Variants in PDE11A observed in about 807,000 individuals in gnomAD.
The protein encoded by PDE11A is dual 3',5'-cyclic-AMP and -GMP phosphodiesterase 11A.
Under a neutral mutation model 100.5 loss-of-function variants are expected in PDE11A, and 100 were observed. The observed-to-expected ratio is 1.00, with a 90% CI of 0.85 to 1.18. The LOEUF is 1.18. Among genes scored for constraint, PDE11A ranks in the 50% most tolerant of loss-of-function variants. The pLI is 0.00. For missense variants in PDE11A, 1,141 were observed against 1,152.6 expected (o/e 0.99, Z 0.15); for synonymous variants, 381 against 420.8 (o/e 0.91, Z 1.16).
intron 10 of PDE11A, among the ~76,000 whole-genome samples, chr2:177,730,270 C>T (rs909934562): frequency 2.0e-5 from 3 of 152,084 alleles, no homozygotes; most frequent in African/African-American, 7.2e-5. Flanking sequence ...TGTTCCCCGC[C>T]CTGTGTTCAA....
intron 2 of PDE11A, among the ~76,000 whole-genome samples, chr2:177,986,006 A>C (rs1233283590): frequency 1.3e-5 from 2 of 152,176 alleles, no homozygotes; most frequent in East Asian, 3.9e-4. Flanking sequence ...GAAACAAGGC[A>C]AAAAGGATCC....
chr2:177,655,789 G>A (rs1156807239), intron 19 of PDE11A, among the ~76,000 whole-genome samples: 1 of 152,138 alleles, frequency 6.6e-6, no homozygotes, highest in Non-Finnish European at 1.5e-5. Flanking sequence ...GTCAAAGAAA[G>A]ATTAAATTTT....
intron 12 of PDE11A, among the ~76,000 whole-genome samples, chr2:177,714,159 A>C (rs1461918293): frequency 6.6e-6 from 1 of 151,554 alleles, no homozygotes; most frequent in East Asian, 1.9e-4. Context: ...ACGCCCAGCT[A>C]ATTTTTTGTA....
intron 19 of PDE11A, among the ~76,000 whole-genome samples, chr2:177,636,342 G>A (rs925888125): frequency 3.3e-5 from 5 of 152,096 alleles, no homozygotes; most frequent in African/African-American, 9.7e-5. Flanking sequence ...TGTCCAGAAG[G>A]TTTTGATTTT....
chr2:177,969,664 A>G (rs2085744982), intron 2 of PDE11A, among the ~76,000 whole-genome samples: 2 of 152,184 alleles, frequency 1.3e-5, no homozygotes, highest in Admixed American at 6.5e-5. Flanking sequence ...ATTCATTATT[A>G]TCAACAATCA....
rs1315965965 is a variant in PDE11A, at chr2:177,864,847, T to C, written c.1367+11012A>G. On this transcript the variant is annotated intron_variant, in intron 5 of 19. Transcript: ENST00000286063. ...CGAGGGATGCCATAAACAAAATGAGTTCCCTTTTGCATTACTACTTAAAAG... is the reference window on the plus strand; with the variant it reads ...CGAGGGATGCCATAAACAAAATGAGCTCCCTTTTGCATTACTACTTAAAAG... 5.3e-5 allele frequency among the ~76,000 whole-genome samples: 8 copies of C among 152,300 alleles called. 1 individual carries two copies. The East Asian group carries it at 5.8e-4, about 11-fold the overall frequency.
At chr2:178,015,678 A>G (rs1468747258) in intron 1 of PDE11A, among the ~76,000 whole-genome samples, 1 of 152,152 alleles carries the variant, frequency 6.6e-6, no homozygotes, top group Non-Finnish European at 1.5e-5. Flanking sequence ...TAGGATATAC[A>G]TGCTAGGGTA....
At chr2:177,792,438 TG>T (rs2082646166) in intron 9 of PDE11A, among the ~76,000 whole-genome samples, 1 of 152,230 alleles carries the variant, frequency 6.6e-6, no homozygotes, top group Non-Finnish European at 1.5e-5. Flanking sequence ...TTATATATAC[TG>T]ATTTTCCATT....
chr2:177,780,378 T>C (rs2082437366), intron 9 of PDE11A, among the ~76,000 whole-genome samples: 2 of 152,084 alleles, frequency 1.3e-5, no homozygotes, highest in African/African-American at 2.4e-5. Flanking sequence ...ACACCACCAC[T>C]TCTGGCTTGA....
chr2:177,906,119 A>T (rs190452932), intron 2 of PDE11A, among the ~76,000 whole-genome samples: 1 of 152,326 alleles, frequency 6.6e-6, no homozygotes, highest in East Asian at 1.9e-4. Context: ...GCAAGAGGGA[A>T]AAAAGCATGT....
Position 177,972,912 on chromosome 2 carries a change from T to C in PDE11A, c.1071+41390A>G, listed in dbSNP as rs1349482322. ...ATCTGCTAAACTGAGAGAAGGGAAG[T>C]TGTGCCTATGATAACAGCTCTGATG... On this transcript the variant is annotated intron_variant, in intron 2 of 19. Coordinates refer to ENST00000286063, the MANE Select transcript of PDE11A (RefSeq NM_016953.4). 2.0e-5 allele frequency among the ~76,000 whole-genome samples: 3 copies of C among 152,192 alleles called. No homozygotes were observed. In the East Asian group the frequency reaches 5.8e-4, roughly 29 times the overall value.
In PDE11A at chr2:178,104,209, G is replaced by A. The variant is rs562962181; in HGVS notation, c.162+93C>T. On this transcript the variant is annotated intron_variant, in intron 2 of 20. Transcript: ENST00000358450. ...ATGTAAAGAGTGGTCCATTTTTAAC[G>A]CTGCAAATTAGGAAATTATTATAAT... 2.2e-4 allele frequency: 265 copies of A among 1,203,816 alleles called. No individual in the cohort carries two copies. In the African/African-American group the frequency reaches 3.4e-3, roughly 15 times the overall value. 74.6% of individuals were successfully genotyped at this position (1,203,816 alleles called of 1,614,324 possible).
chr2:177,663,742 C>T, intron 19 of PDE11A, 124 bp downstream of exon 19: 1 of 712,058 alleles, frequency 1.4e-6, no homozygotes, highest in Non-Finnish European at 2.6e-6. Context: ...AGACAAACTG[C>T]AGCCAGAGCT....
chr2:177,718,733 G>C (rs1036060828), intron 12 of PDE11A, among the ~76,000 whole-genome samples: 2 of 152,072 alleles, frequency 1.3e-5, no homozygotes, highest in East Asian at 3.9e-4. Context: ...TTTCCTTTGT[G>C]TCTAAAATTT....
At chr2:177,735,398 G>A (rs149409792) in intron 10 of PDE11A, among the ~76,000 whole-genome samples, 15 of 146,432 alleles carry the variant, frequency 1.0e-4, no homozygotes, top group Admixed American at 6.7e-5. Context: ...ACAATGATTC[G>A]TGGAAAAAAA....
chr2:177,855,882 A>G (rs1330810756), intron 5 of PDE11A, among the ~76,000 whole-genome samples: 2 of 149,082 alleles, frequency 1.3e-5, no homozygotes, highest in African/African-American at 2.5e-5. Context: ...GTACATATTC[A>G]TAGACATCTA....
intron 2 of PDE11A, chr2:177,997,908 T>C (rs2086097123): frequency 7.5e-7 from 1 of 1,342,024 alleles, no homozygotes. Context: ...CCACCAACAA[T>C]TTCAATACCT....
At chr2:177,739,295 G>A (rs1397206142) in intron 10 of PDE11A, among the ~76,000 whole-genome samples, 7 of 152,122 alleles carry the variant, frequency 4.6e-5, no homozygotes. Context: ...GGGTGAAACT[G>A]GAACCTTGGG....
At chr2:178,074,073 G>A (rs1027041439), upstream of PDE11A, among the ~76,000 whole-genome samples, 3 of 152,172 alleles carry the variant, frequency 2.0e-5, no homozygotes, top group Admixed American at 6.5e-5. Flanking sequence ...ACACGTGCTA[G>A]TACTCGAATG....
Sources: allele counts gnomAD v4.1 joint callset (sites outside exome capture counted in the v4.1 genomes callset), GRCh38; gene constraint gnomAD v4.1.1; transcripts MANE v1.5; gene names NCBI Gene and HGNC (gene_info 2026-07-23, HGNC 2026-07-21).